The following POM121 variants were observed in gnomAD, a reference collection of about 807,000 sequenced individuals.
POM121 encodes the protein nuclear envelope pore membrane protein POM 121.
A neutral mutation model predicts 81.3 loss-of-function variants in POM121; 32 were observed. The ratio of observed to expected loss-of-function variants is 0.39; its 90% CI spans 0.30 to 0.53. The LOEUF (loss-of-function observed/expected upper bound fraction) is 0.53. POM121 is among the 20% of genes least tolerant of loss of function. POM121 has a pLI of 0.66. For missense variants in POM121, 1,138 were observed against 1,614.6 expected, an observed-to-expected ratio of 0.70 and a Z score of 5.06; for synonymous variants, 514 against 694.2, an observed-to-expected ratio of 0.74 and a Z score of 4.08.
intron 3 of POM121, among the ~76,000 whole-genome samples, chr7:72,912,604 G>A (rs1384164418): frequency 4.6e-5 from 7 of 152,114 alleles, no homozygotes; most frequent in African/African-American, 1.4e-4. Flanking sequence ...GTGAAACCCC[G>A]TATCTACTAA....
At chr7:72,926,777 GC>G in intron 2 of POM121, 24 bp from the exon 3 acceptor site, 1 of 1,610,094 alleles carries the variant, frequency 6.2e-7, no homozygotes, top group East Asian at 2.2e-5. Context: ...ATATCTTACA[GC>G]TAGAATCTTG....
chr7:72,884,504 CAAATATATACATATAATATAT>C (rs1790487400), intron 1 of POM121, among the ~76,000 whole-genome samples: 4 of 110,074 alleles, frequency 3.6e-5, no homozygotes. Flanking sequence ...TATTTGATAG[CAAATATATACATATAATATAT>C]ATTTGATAGC....
Position 72,929,945 on chromosome 7 carries a change from G to T in POM121, c.1109G>T (p.Gly370Val). 6.3e-7 allele frequency: 1 copy of T among 1,597,744 alleles called. No homozygotes were observed. Among genetic ancestry groups the T allele is most frequent in the South Asian group, 1.1e-5 (1 of 90,072 alleles). ...GVPASFVPKP[G>V]SLKRGLNSQS... ...ACTGTCTTCTCTTTTATTAGGCCTG[G>T]GTCTCTGAAGAGAGGCCTCAATTCT... The change falls in exon 5 of 13, where the codon GGG becomes GTG. Residue 370 changes from glycine to valine, a missense_variant. Physicochemically the swap from Gly to Val is moderately radical, Grantham distance 109. This residue lies in a region of POM121 where 646 missense variants were observed against 633.5 expected (regional missense o/e 1.02). Coordinates refer to ENST00000434423, the MANE Select transcript of POM121 (RefSeq NM_001387691.1).
At chr7:72,909,753 C>T (rs570985225) in intron 3 of POM121, among the ~76,000 whole-genome samples, 1 of 152,270 alleles carries the variant, frequency 6.6e-6, no homozygotes, top group South Asian at 2.1e-4. Context: ...GACTCAGTCA[C>T]TCCTTCTTCT....
chr7:72,879,415 G>A (rs1475312477), exon 1 of POM121: 5 of 204,328 alleles, frequency 2.4e-5, no homozygotes, highest in African/African-American at 9.6e-5. Context: ...CCAGGCTTTG[G>A]CCTCTAGTGG....
intron 4 of POM121, chr7:72,913,899 G>A (rs1794046976): frequency 6.6e-6 from 1 of 152,232 alleles, no homozygotes; most frequent in Non-Finnish European, 1.5e-5. Context: ...GGTGGCCACA[G>A]CCCTATCTCC....
At chr7:72,928,197 C>T (rs1284110394) in intron 3 of POM121, among the ~76,000 whole-genome samples, 188 bp from the exon 4 acceptor site, 5 of 151,704 alleles carry the variant, frequency 3.3e-5, no homozygotes, top group South Asian at 2.1e-4. Flanking sequence ...GCAACAAGAG[C>T]GAAACTCTGT....
At chr7:72,938,812 A>C in intron 6 of POM121, 131 bp downstream of exon 6, 6 of 1,117,860 alleles carry the variant, frequency 5.4e-6, no homozygotes, top group Non-Finnish European at 8.1e-6. Context: ...TAAGTCCCTG[A>C]GAGGTACAAT....
At position 72,893,448 on chromosome 7, in the gene POM121, G is replaced by T. The variant is rs576401973; in HGVS notation, c.-216+2338G>T. ...AATACAAAAAAATTAGCCGGGCGTG[G>T]TGGCGGGCGCCTGCAGTCCCAGCTA... On this transcript the variant is annotated intron_variant, in intron 3 of 15. Transcript: ENST00000395270. 5.9e-5 allele frequency among the ~76,000 whole-genome samples: 9 copies of T among 152,126 alleles called. No homozygotes were observed. The South Asian group carries it at 1.9e-3, about 32-fold the overall frequency.
In POM121 at chr7:72,946,673, A is replaced by G. The variant is rs1797719738; in HGVS notation, c.*439A>G. 1.0e-6 allele frequency: 1 copy of G among 981,400 alleles called. No homozygotes were observed. The highest frequency in any genetic ancestry group is 1.8e-5 in the African/African-American group (1 of 55,700). 60.8% of individuals were successfully genotyped at this position (981,400 alleles called of 1,614,324 possible). ...GGAAATGGGCTATCCGTAAAGCTTT[A>G]TCTTGCTTGGCTTAGCTGTGAGAAG... is the stretch of plus-strand genomic sequence containing the variant. On this transcript the variant is annotated 3_prime_UTR_variant, in exon 13 of 13. Transcript: ENST00000434423.
intron 3 of POM121, among the ~76,000 whole-genome samples, chr7:72,900,512 T>G (rs1469433705): frequency 1.3e-5 from 2 of 152,086 alleles, no homozygotes; most frequent in South Asian, 2.1e-4. Flanking sequence ...TTATTTTAAT[T>G]TTTATTTTTT....
intron 1 of POM121, among the ~76,000 whole-genome samples, chr7:72,881,576 T>A (rs1436018001): frequency 2.6e-5 from 4 of 151,712 alleles, no homozygotes; most frequent in African/African-American, 9.7e-5. Context: ...CTTGTGTATA[T>A]GTTCCTCAAT....
At chr7:72,915,516 G>T (rs1322576150) in intron 4 of POM121, among the ~76,000 whole-genome samples, 35 of 152,202 alleles carry the variant, frequency 2.3e-4, no homozygotes, top group African/African-American at 7.9e-4. Flanking sequence ...GGGATTACAG[G>T]TGTGCACTAC....
At chr7:72,933,938 AACAAGGC>A (rs1181654602) in intron 5 of POM121, among the ~76,000 whole-genome samples, 1 of 152,150 alleles carries the variant, frequency 6.6e-6, no homozygotes, top group Non-Finnish European at 1.5e-5. Context: ...ATTACATAAA[AACAAGGC>A]TCAGAACTGT....
intron 1 of POM121, among the ~76,000 whole-genome samples, chr7:72,884,314 T>C (rs1268949714): frequency 2.6e-5 from 4 of 152,098 alleles, no homozygotes; most frequent in Non-Finnish European, 4.4e-5. Flanking sequence ...TTTTGTTTTG[T>C]TACCATCATG....
At chr7:72,892,148 C>A (rs1369857575) in intron 3 of POM121, among the ~76,000 whole-genome samples, 1 of 152,206 alleles carries the variant, frequency 6.6e-6, no homozygotes, top group Non-Finnish European at 1.5e-5. Context: ...CCTCTTAGAA[C>A]CCATTTTCCA....
chr7:72,948,449 C>G (rs1554503840), downstream of POM121: 13 of 1,613,448 alleles, frequency 8.1e-6, no homozygotes, highest in East Asian at 2.2e-5. Context: ...AGGCATCTTC[C>G]TTTCCCACCA....
At chr7:72,931,881 C>G (rs1362537530) in intron 5 of POM121, among the ~76,000 whole-genome samples, 1 of 152,104 alleles carries the variant, frequency 6.6e-6, no homozygotes, top group Non-Finnish European at 1.5e-5. Flanking sequence ...CATGCAATTT[C>G]AAAATAGCGG....
In POM121 at chr7:72,936,333, T is replaced by A. The variant is rs6957125; in HGVS notation, c.1276-2257T>A. Among the ~76,000 whole-genome samples, 1,253 of 151,712 alleles carry A rather than the reference T, an allele frequency of 8.3e-3. 18 individuals are homozygous for A. Among genetic ancestry groups the A allele is most frequent in the African/African-American group, 0.028 (1,142 of 41,298 alleles). On this transcript the variant is annotated intron_variant, in intron 5 of 12. Transcript: ENST00000434423. ...ATGCACCACCACACCTGGCTAATTT[T>A]TGTATTCCTTTTTTTTTTTGAGACG...
Sources: gnomAD v4.1 joint callset for allele counts (sites outside exome capture counted in the v4.1 genomes callset) on GRCh38, gnomAD v4.1.1 for gene constraint, gnomAD v4.1.1 regional missense constraint, MANE v1.5 for transcripts, NCBI Gene and HGNC (gene_info 2026-07-23, HGNC 2026-07-21) for gene names.